ZSWIM6: variants seen among roughly 807,000 people sequenced by gnomAD.
ZSWIM6 encodes zinc finger SWIM-type containing 6, also known as zinc finger SWIM domain-containing protein 6.
A neutral mutation model predicts 113.2 loss-of-function variants in ZSWIM6; 9 were observed. That is an observed-to-expected ratio of 0.08 (90% CI 0.05 to 0.14). The LOEUF is 0.14. ZSWIM6 is among the 10% of genes least tolerant of loss of function. The pLI is 1.00. For synonymous variants in ZSWIM6, 611 were observed against 606.5 expected (o/e 1.01, Z -0.11); for missense variants, 1,162 against 1,552.2 (o/e 0.75, Z 4.22).
At chr5:61,491,077 G>A in intron 3 of ZSWIM6, 143 bp downstream of exon 3, 2 of 726,504 alleles carry the variant, frequency 2.8e-6, no homozygotes, top group Non-Finnish European at 3.9e-6. Context: ...CTTTTGTATT[G>A]TAATGCAAGC....
At chr5:61,400,118 G>C (rs1381517550) in intron 1 of ZSWIM6, among the ~76,000 whole-genome samples, 1 of 152,154 alleles carries the variant, frequency 6.6e-6, no homozygotes, top group African/African-American at 2.4e-5. Flanking sequence ...CCACTCTAGA[G>C]GTGGGGAACC....
intron 1 of ZSWIM6, among the ~76,000 whole-genome samples, chr5:61,381,468 C>T (rs1267694882): frequency 6.6e-6 from 1 of 152,010 alleles, no homozygotes; most frequent in Non-Finnish European, 1.5e-5. Context: ...CTTTATGACT[C>T]TATTGAATTT....
At chr5:61,542,532 G>A (rs1161378707) in intron 13 of ZSWIM6, among the ~76,000 whole-genome samples, 1 of 152,174 alleles carries the variant, frequency 6.6e-6, no homozygotes, top group Non-Finnish European at 1.5e-5. Context: ...AAAATAAATA[G>A]TGGTTAAACG....
At chr5:61,378,579 G>A (rs1745416782) in intron 1 of ZSWIM6, among the ~76,000 whole-genome samples, 1 of 151,782 alleles carries the variant, frequency 6.6e-6, no homozygotes, top group African/African-American at 2.4e-5. Context: ...TTTTGAGACA[G>A]GGTTTTGCTC....
chr5:61,543,803 G>C lies in ZSWIM6; in HGVS notation c.3134G>C (p.Arg1045Thr). ...RYMEHRGYPM[R>T]AYKLATLAMT... ...ATGGAGCACCGCGGGTACCCCATGA[G>C]GGCCTACAAGCTGGCCACCCTGGCC... The change falls in exon 14 of 14, where the codon AGG becomes ACG. Residue 1045 changes from arginine (R) to threonine (T), a missense_variant. Physicochemically the swap from Arg to Thr is moderately conservative, Grantham distance 71 (BLOSUM62 -1). Coordinates refer to ENST00000252744, the MANE Select transcript of ZSWIM6 (RefSeq NM_020928.2). The surrounding 1 kb of genome is among the most constrained non-coding windows in gnomAD (Gnocchi z 4.3). The C allele has an allele frequency of 6.4e-7, 1 of 1,551,892 alleles. No individual in the cohort carries two copies. The highest frequency in any genetic ancestry group is 8.7e-7 in the Non-Finnish European group (1 of 1,147,042).
At chr5:61,500,102 T>TATC (rs1426305268) in intron 4 of ZSWIM6, among the ~76,000 whole-genome samples, 1 of 136,442 alleles carries the variant, frequency 7.3e-6, no homozygotes, top group Non-Finnish European at 1.5e-5. Flanking sequence ...TCCTCAGCTT[T>TATC]ATTATTATTA....
intron 10 of ZSWIM6, among the ~76,000 whole-genome samples, chr5:61,537,226 C>T (rs937734875): frequency 2.6e-5 from 4 of 152,156 alleles, no homozygotes; most frequent in Admixed American, 6.5e-5. Context: ...TTATATTTGT[C>T]CTTGGTTGCT....
chr5:61,531,523 A>G lies in ZSWIM6; in HGVS notation c.2043A>G (p.Leu681=). 6.4e-7 allele frequency: 1 copy of G among 1,551,730 alleles called. No individual in the cohort carries two copies. The highest frequency in any genetic ancestry group is 8.7e-7 in the Non-Finnish European group (1 of 1,146,978). The change falls in exon 9 of 14, where the codon TTA becomes TTG. Residue 681 remains leucine (L), a synonymous_variant. Transcript: ENST00000252744. ...AGCATCTACCTGCACACAAATTCTT[A>G]GAAGAAGGGGAATCCTATTTAACGC... ...EYQHLPAHKF[L]EEGESYLTLA...
chr5:61,507,079 C>T (rs1376372180), intron 4 of ZSWIM6, among the ~76,000 whole-genome samples: 1 of 152,188 alleles, frequency 6.6e-6, no homozygotes, highest in African/African-American at 2.4e-5. Context: ...TTGTACTGCT[C>T]CTCAGCCCCC....
At chr5:61,415,558 C>T (rs1448216108) in intron 1 of ZSWIM6, among the ~76,000 whole-genome samples, 1 of 151,414 alleles carries the variant, frequency 6.6e-6, no homozygotes, top group Non-Finnish European at 1.5e-5. Flanking sequence ...CGCCACTGCA[C>T]TCCAGCCTGG....
chr5:61,456,770 A>ATACAGCTG (rs1214501375), intron 1 of ZSWIM6, among the ~76,000 whole-genome samples: 4 of 152,174 alleles, frequency 2.6e-5, no homozygotes, highest in Non-Finnish European at 4.4e-5. Flanking sequence ...CAGTAGTAAG[A>ATACAGCTG]TACAGCTGTA....
At chr5:61,431,264 T>C (rs1746573533) in intron 1 of ZSWIM6, among the ~76,000 whole-genome samples, 1 of 148,340 alleles carries the variant, frequency 6.7e-6, no homozygotes, top group Non-Finnish European at 1.5e-5. Flanking sequence ...TCCCAGCTAC[T>C]CAGGAGGCAG....
intron 1 of ZSWIM6, among the ~76,000 whole-genome samples, chr5:61,351,271 G>C (rs935327074): frequency 1.3e-5 from 2 of 152,152 alleles, no homozygotes; most frequent in African/African-American, 4.8e-5. Flanking sequence ...AAATGGAAAA[G>C]GGACAGCTAA....
chr5:61,513,914 T>C (rs939028596), intron 4 of ZSWIM6, among the ~76,000 whole-genome samples: 2 of 152,130 alleles, frequency 1.3e-5, no homozygotes, highest in Non-Finnish European at 2.9e-5. Flanking sequence ...ACTTTGCCCT[T>C]TTTAAAAATT....
chr5:61,468,012 GA>G (rs1410825043), intron 1 of ZSWIM6, among the ~76,000 whole-genome samples: 20 of 152,310 alleles, frequency 1.3e-4, no homozygotes, highest in African/African-American at 4.8e-4. Context: ...CTCCAGCTGG[GA>G]AGGGAAGGAA....
chr5:61,508,320 A>T (rs1748682623), intron 4 of ZSWIM6, among the ~76,000 whole-genome samples: 1 of 152,192 alleles, frequency 6.6e-6, no homozygotes, highest in East Asian at 1.9e-4. Context: ...AAAATGTGTT[A>T]CCCGATATTG....
intron 1 of ZSWIM6, among the ~76,000 whole-genome samples, chr5:61,338,160 G>A (rs544417488): frequency 1.0e-5 from 1 of 98,280 alleles, no homozygotes; most frequent in African/African-American, 7.0e-5. Flanking sequence ...TTAAAGTTTT[G>A]TGTGTTTTTT....
intron 1 of ZSWIM6, among the ~76,000 whole-genome samples, chr5:61,447,663 C>T (rs1206150670): frequency 1.3e-5 from 2 of 152,156 alleles, no homozygotes; most frequent in Middle Eastern, 3.2e-3. Context: ...TCCTGGCTTG[C>T]AGCAGCTGAC....
At chr5:61,348,293 G>C (rs1744708472) in intron 1 of ZSWIM6, among the ~76,000 whole-genome samples, 1 of 152,112 alleles carries the variant, frequency 6.6e-6, no homozygotes, top group South Asian at 2.1e-4. Flanking sequence ...CGTAGGATGA[G>C]TCTTGGTGGT....
Sources: gnomAD v4.1 joint callset for allele counts (sites outside exome capture counted in the v4.1 genomes callset) on GRCh38, gnomAD v4.1.1 for gene constraint, Gnocchi (gnomAD v3.1) non-coding constraint, MANE v1.5 for transcripts, NCBI Gene and HGNC (gene_info 2026-07-23, HGNC 2026-07-21) for gene names.